PTN: variants seen among roughly 807,000 people sequenced by gnomAD.
PTN encodes the protein pleiotrophin.
In PTN, 18 loss-of-function variants were observed where a neutral mutation model predicts 24.1. The ratio of observed to expected loss-of-function variants is 0.75; its 90% CI spans 0.52 to 1.11. The LOEUF is 1.11. Ranked by LOEUF, PTN falls within the 50% of genes least tolerant of loss-of-function variation. PTN has a pLI of 0.00. For missense variants in PTN, 163 were observed against 198.8 expected (o/e 0.82, Z 1.08); for synonymous variants, 78 against 68.6 (o/e 1.14, Z -0.67).
chr7:137,301,270 C>A (rs1337645373), intron 1 of PTN, among the ~76,000 whole-genome samples: 1 of 151,736 alleles, frequency 6.6e-6, no homozygotes, highest in Non-Finnish European at 1.5e-5. Flanking sequence ...AAAGAGAGGG[C>A]CCTAAGTGAC....
At chr7:137,286,657 T>C (rs1298619097) in intron 1 of PTN, among the ~76,000 whole-genome samples, 4 of 152,180 alleles carry the variant, frequency 2.6e-5, no homozygotes, top group East Asian at 3.8e-4. Context: ...TGTGAATGCA[T>C]AATAAATCCC....
intron 1 of PTN, among the ~76,000 whole-genome samples, chr7:137,259,779 C>T (rs932029394): frequency 4.6e-5 from 7 of 151,770 alleles, no homozygotes; most frequent in African/African-American, 9.7e-5. Flanking sequence ...TTTACTTCTT[C>T]GAAGCTTAAT....
chr7:137,241,186 C>T (rs1056461094), intron 4 of PTN, among the ~76,000 whole-genome samples: 1 of 152,142 alleles, frequency 6.6e-6, no homozygotes, highest in Non-Finnish European at 1.5e-5. Flanking sequence ...CCCCATGATA[C>T]AATCACCTCC....
At chr7:137,304,485 C>T (rs1046599246) in intron 1 of PTN, among the ~76,000 whole-genome samples, 2 of 151,816 alleles carry the variant, frequency 1.3e-5, no homozygotes, top group Non-Finnish European at 2.9e-5. Context: ...ATGAATGAAA[C>T]TCATTCATCA....
chr7:137,304,955 G>T (rs563505809), intron 1 of PTN, among the ~76,000 whole-genome samples: 2 of 152,026 alleles, frequency 1.3e-5, no homozygotes, highest in South Asian at 4.1e-4. Context: ...TATAGCGGCC[G>T]TATTATTTAG....
chr7:137,320,761 C>T lies in PTN; in HGVS notation c.-2+22678G>A, dbSNP rs183626055. On this transcript the variant is annotated intron_variant, in intron 1 of 4. Coordinates refer to ENST00000348225, the MANE Select transcript of PTN (RefSeq NM_002825.7). ...TCATGATTTTCTGACACTGGCTTGT[C>T]AATTGAATTTTATTCCTAACAGCAG... Among the ~76,000 whole-genome samples, 629 of 152,156 alleles carry T rather than the reference C, an allele frequency of 4.1e-3. 3 individuals are homozygous for T. The highest frequency in any genetic ancestry group is 0.014 in the African/African-American group (596 of 41,524).
At chr7:137,336,783 G>T (rs1326863542) in intron 1 of PTN, among the ~76,000 whole-genome samples, 1 of 152,124 alleles carries the variant, frequency 6.6e-6, no homozygotes, top group Non-Finnish European at 1.5e-5. Flanking sequence ...GCTTCACCAT[G>T]ATCATCATTT....
At chr7:137,257,595 G>C (rs1350229869) in intron 1 of PTN, among the ~76,000 whole-genome samples, 2 of 152,192 alleles carry the variant, frequency 1.3e-5, no homozygotes, top group Non-Finnish European at 2.9e-5. Flanking sequence ...CCAGAGGCTG[G>C]CTGAAAGCCT....
chr7:137,289,894 C>T (rs796963686), intron 1 of PTN, among the ~76,000 whole-genome samples: 5 of 152,104 alleles, frequency 3.3e-5, no homozygotes, highest in South Asian at 4.1e-4. Flanking sequence ...CATAACTGTG[C>T]GTTAATCATA....
rs567395564 is a variant in PTN, at chr7:137,324,901, T to C, written c.-2+18538A>G. The C allele has an allele frequency of 4.6e-5, 7 of 152,336 alleles. No individual in the cohort carries two copies. The South Asian group carries it at 1.4e-3, about 32-fold the overall frequency. 9.4% of individuals were successfully genotyped at this position (152,336 alleles called of 1,614,324 possible). A position where few individuals can be genotyped will look rare whatever the true frequency, so the allele number is the denominator to read the frequency against. Reference sequence around the variant, plus strand: ...AGTAAAATATTACATGGATGTTAGCTGTTAATGGAAAGCCAAAACAGAGTA... The same window carrying C: ...AGTAAAATATTACATGGATGTTAGCCGTTAATGGAAAGCCAAAACAGAGTA... On this transcript the variant is annotated intron_variant, in intron 1 of 4. Transcript: ENST00000348225.
rs988810188 is a variant in PTN, at chr7:137,286,691, A to G, written c.-1-31717T>C. ...CCAGGTACCAGGCTGAGTGAAGCAC[A>G]TATAGAGATAAGCACCTCAATTGGG... On this transcript the variant is annotated intron_variant, in intron 1 of 4. Coordinates refer to ENST00000348225, the MANE Select transcript of PTN (RefSeq NM_002825.7). 3.3e-5 allele frequency among the ~76,000 whole-genome samples: 5 copies of G among 152,330 alleles called. No homozygotes were observed. The South Asian group carries it at 1.0e-3, about 32-fold the overall frequency.
At chr7:137,323,921 G>C (rs549800065) in intron 1 of PTN, among the ~76,000 whole-genome samples, 28 of 152,164 alleles carry the variant, frequency 1.8e-4, no homozygotes, top group Non-Finnish European at 1.0e-4. Flanking sequence ...AGAATCCACA[G>C]ATCGTAATCT....
rs575645004 is a variant in PTN, at chr7:137,251,656, G to A, written c.290-265C>T. Among the ~76,000 whole-genome samples, 46 of 148,996 alleles carry A rather than the reference G, an allele frequency of 3.1e-4. 2 individuals are homozygous for A. Among genetic ancestry groups the A allele is most frequent in the African/African-American group, 1.1e-3 (42 of 38,500 alleles). On this transcript the variant is annotated intron_variant, in intron 3 of 4. Transcript: ENST00000348225. The stretch of plus-strand genomic sequence containing the variant: ...AATATACAGTCCCAATACAACAGTG[G>A]GTCATTCTTTATAGTCATGGCCTAG...
intron 1 of PTN, among the ~76,000 whole-genome samples, chr7:137,295,733 C>A (rs140880622): frequency 6.6e-6 from 1 of 151,736 alleles, no homozygotes; most frequent in Non-Finnish European, 1.5e-5. Flanking sequence ...GTTAAGATTA[C>A]GTATGTGGCT....
intron 1 of PTN, among the ~76,000 whole-genome samples, chr7:137,266,983 G>A (rs1809163040): frequency 1.3e-5 from 2 of 150,606 alleles, no homozygotes; most frequent in South Asian, 4.2e-4. Context: ...AGGCCTCAGT[G>A]CTTTCCGGAT....
chr7:137,274,157 G>A (rs911845575), intron 1 of PTN, among the ~76,000 whole-genome samples: 2 of 152,102 alleles, frequency 1.3e-5, no homozygotes, highest in African/African-American at 2.4e-5. Flanking sequence ...CATTAAGAGA[G>A]GCCTGAGAAG....
chr7:137,322,457 T>C (rs757643258), intron 1 of PTN, among the ~76,000 whole-genome samples: 14 of 152,194 alleles, frequency 9.2e-5, no homozygotes, highest in African/African-American at 1.9e-4. Flanking sequence ...TTGCTATGCA[T>C]AGTAGTTTAG....
At chr7:137,299,765 C>T (rs1026402744) in intron 1 of PTN, among the ~76,000 whole-genome samples, 5 of 152,000 alleles carry the variant, frequency 3.3e-5, no homozygotes, top group East Asian at 1.9e-4. Flanking sequence ...TGTACACTCC[C>T]GGTTTTTGTT....
chr7:137,307,969 A>G (rs1809916807), intron 1 of PTN, among the ~76,000 whole-genome samples: 1 of 152,152 alleles, frequency 6.6e-6, no homozygotes, highest in South Asian at 2.1e-4. Flanking sequence ...GAAGGGAGAA[A>G]CAGCTTCATC....
Sources: allele counts gnomAD v4.1 joint callset (sites outside exome capture counted in the v4.1 genomes callset), GRCh38; gene constraint gnomAD v4.1.1; transcripts MANE v1.5; gene names NCBI Gene and HGNC (gene_info 2026-07-23, HGNC 2026-07-21).